Variants in CUL3 observed in about 807,000 individuals in gnomAD.
The protein encoded by CUL3 is cullin-3.
In CUL3, 19 loss-of-function variants were observed where a neutral mutation model predicts 89.1. The ratio of observed to expected loss-of-function variants is 0.21; its 90% CI spans 0.15 to 0.31. The LOEUF (loss-of-function observed/expected upper bound fraction) is 0.31. Among genes scored for constraint, CUL3 ranks in the 10% least tolerant of loss-of-function variants. The pLI is 1.00. For synonymous variants in CUL3, 351 were observed against 308.4 expected (o/e 1.14, Z -1.45); for missense variants, 469 against 942.3 (o/e 0.50, Z 6.58).
rs11338737 is a variant in CUL3 at position 224,567,739 on chromosome 2, C to CAA, written c.67-9885_67-9884dup. On this transcript the variant is annotated intron_variant, in intron 1 of 15. Coordinates refer to ENST00000264414, the MANE Select transcript of CUL3 (RefSeq NM_003590.5). ...TGGGCAACAGAGTGAGACTCTGTCTCAAAAAAAAAAAAACCTTTCACCTAG... is the reference window on the plus strand; with the variant it reads ...TGGGCAACAGAGTGAGACTCTGTCTCAAAAAAAAAAAAAAACCTTTCACCTAG... 6.5e-5 allele frequency among the ~76,000 whole-genome samples: 9 copies of CAA among 138,866 alleles called. No homozygotes were observed. In the East Asian group the frequency reaches 8.2e-4, roughly 13 times the overall value. The allele number at this position is 138,866 out of a possible 152,430, so 91.1% of individuals were successfully genotyped here.
At chr2:224,519,418 G>A (rs981511920) in intron 3 of CUL3, among the ~76,000 whole-genome samples, 1 of 152,156 alleles carries the variant, frequency 6.6e-6, no homozygotes, top group African/African-American at 2.4e-5. Flanking sequence ...GGTGTAGGCA[G>A]AACACAGAAT....
chr2:224,495,300 T>C (rs926520603), intron 13 of CUL3: 1 of 152,362 alleles, frequency 6.6e-6, no homozygotes, highest in Non-Finnish European at 1.5e-5. Context: ...TTTCTTAAAA[T>C]GTTAAACATA....
chr2:224,472,057 A>C lies in CUL3; in HGVS notation c.*2188T>G, dbSNP rs1007952561. 1 of 230,660 alleles carries C rather than the reference A, an allele frequency of 4.3e-6. No homozygotes were observed. Among genetic ancestry groups the C allele is most frequent in the Admixed American group, 5.6e-5 (1 of 17,716 alleles). The allele number at this position is 230,660 out of a possible 1,614,324, so 14.3% of individuals were successfully genotyped here. ...GACCTAAAATAATACTTATGCAGTC[A>C]AACATATAAACATTTTGTGTGACCA... is the stretch of plus-strand genomic sequence containing the variant. On this transcript the variant is annotated 3_prime_UTR_variant, in exon 16 of 16. Transcript: ENST00000264414.
intron 1 of CUL3, among the ~76,000 whole-genome samples, chr2:224,565,221 TTAGAA>T (rs1695013798): frequency 6.6e-6 from 1 of 152,182 alleles, no homozygotes; most frequent in Non-Finnish European, 1.5e-5. Context: ...CACCGTATTC[TTAGAA>T]TAAAGAGAAA....
rs751205694 is a variant in CUL3 at position 224,495,820 on chromosome 2, C to T, written c.1842+12G>A. 8.8e-6 allele frequency: 14 copies of T among 1,599,114 alleles called. No individual in the cohort carries two copies. Among genetic ancestry groups the T allele is most frequent in the Non-Finnish European group, 1.2e-5 (14 of 1,170,326 alleles). ...ACAACACAGTTAAAATGTATATAAC[C>T]ACAATCCATACCTCAAATGTGTATT... On this transcript the variant is annotated intron_variant, in intron 13 of 15. Transcript: ENST00000264414.
At chr2:224,512,869 T>C (rs547797591) in intron 5 of CUL3, among the ~76,000 whole-genome samples, 1 of 152,306 alleles carries the variant, frequency 6.6e-6, no homozygotes, top group South Asian at 2.1e-4. Context: ...TAACATACAG[T>C]TGACCCTTGA....
chr2:224,489,470 A>G (rs1431400092), intron 13 of CUL3, among the ~76,000 whole-genome samples: 1 of 152,224 alleles, frequency 6.6e-6, no homozygotes, highest in Non-Finnish European at 1.5e-5. Context: ...TAATAGACAA[A>G]CAGCCAAATC....
intron 3 of CUL3, among the ~76,000 whole-genome samples, chr2:224,529,975 A>G (rs1693630512): frequency 6.6e-6 from 1 of 152,194 alleles, no homozygotes; most frequent in African/African-American, 2.4e-5. Context: ...CCTGTGGCTC[A>G]CACCTGTAAT....
intron 1 of CUL3, among the ~76,000 whole-genome samples, chr2:224,563,951 G>GA (rs1173027392): frequency 2.0e-5 from 3 of 150,422 alleles, no homozygotes; most frequent in African/African-American, 4.9e-5. Flanking sequence ...ACTTAATAAG[G>GA]AAAAAAAAAG....
At chr2:224,514,847 A>T in intron 3 of CUL3, 75 bp from the exon 4 acceptor site, 1 of 1,055,076 alleles carries the variant, frequency 9.5e-7, no homozygotes, top group Non-Finnish European at 1.4e-6. Flanking sequence ...AATAACAAAT[A>T]AAGGAAATAA....
intron 1 of CUL3, among the ~76,000 whole-genome samples, chr2:224,578,550 G>T: frequency 6.6e-6 from 1 of 152,060 alleles, no homozygotes; most frequent in East Asian, 1.9e-4. Flanking sequence ...AATTAGAAAA[G>T]CTACTAAAAT....
chr2:224,553,857 TA>T, intron 2 of CUL3, among the ~76,000 whole-genome samples: 1 of 152,332 alleles, frequency 6.6e-6, no homozygotes, highest in African/African-American at 2.4e-5. Flanking sequence ...CCACCTGGTT[TA>T]TGGGATTTGT....
intron 10 of CUL3, 25 bp downstream of exon 10, chr2:224,502,940 A>C (rs779314784): frequency 1.3e-6 from 2 of 1,500,796 alleles, no homozygotes; most frequent in Admixed American, 3.4e-5. Flanking sequence ...TGAATATCTA[A>C]GTAGAAATTA....
At chr2:224,481,291 G>C (rs573824951) in intron 14 of CUL3, among the ~76,000 whole-genome samples, 4 of 151,866 alleles carry the variant, frequency 2.6e-5, no homozygotes, top group African/African-American at 9.7e-5. Context: ...ACATCAATCA[G>C]CAAGGGTGGA....
intron 3 of CUL3, among the ~76,000 whole-genome samples, chr2:224,517,447 CG>C (rs1457443799): frequency 6.6e-6 from 1 of 152,062 alleles, no homozygotes; most frequent in Admixed American, 6.6e-5. Context: ...CCGAAGCAGT[CG>C]GATCACTTGA....
intron 4 of CUL3, 149 bp downstream of exon 4, chr2:224,514,463 C>A (rs1692958454): frequency 1.8e-6 from 1 of 567,422 alleles, no homozygotes; most frequent in African/African-American, 1.9e-5. Flanking sequence ...TTTTGGGTAA[C>A]TGTTAACTCT....
chr2:224,574,826 G>A (rs1315364498), intron 1 of CUL3, among the ~76,000 whole-genome samples: 1 of 152,178 alleles, frequency 6.6e-6, no homozygotes, highest in Non-Finnish European at 1.5e-5. Context: ...TCTTAAAGAG[G>A]AGGAAACAAA....
chr2:224,500,311 A>C, intron 11 of CUL3, 52 bp downstream of exon 11: 1 of 1,582,370 alleles, frequency 6.3e-7, no homozygotes, highest in African/African-American at 1.3e-5. Context: ...ATTCATTTTT[A>C]ATTTTGAACA....
At chr2:224,491,610 A>C (rs1691982288) in intron 13 of CUL3, among the ~76,000 whole-genome samples, 1 of 152,170 alleles carries the variant, frequency 6.6e-6, no homozygotes, top group Non-Finnish European at 1.5e-5. Context: ...TAATAGTAGT[A>C]GTAAAGATAG....
Sources: gnomAD v4.1 joint callset for allele counts (sites outside exome capture counted in the v4.1 genomes callset) on GRCh38, gnomAD v4.1.1 for gene constraint, MANE v1.5 for transcripts, NCBI Gene and HGNC (gene_info 2026-07-23, HGNC 2026-07-21) for gene names.